Variants in RFX3 observed in about 807,000 individuals in gnomAD.
RFX3 encodes the protein transcription factor RFX3.
A neutral mutation model predicts 98.6 loss-of-function variants in RFX3; 14 were observed. That is an observed-to-expected ratio of 0.14 (90% confidence interval 0.09 to 0.22). RFX3 has a LOEUF of 0.22. Ranked by LOEUF, RFX3 falls within the 10% of genes least tolerant of loss-of-function variation. The pLI is 1.00. For synonymous variants in RFX3, 383 were observed against 328.4 expected (o/e 1.17, Z -1.80); for missense variants, 639 against 926.9 (o/e 0.69, Z 4.03).
At chr9:3,413,764 T>A (rs16918156) in intron 1 of RFX3, among the ~76,000 whole-genome samples, 1 of 152,114 alleles carries the variant, frequency 6.6e-6, no homozygotes, top group African/African-American at 2.4e-5. Context: ...GCAGTTCTCT[T>A]GACAACTCTT....
At chr9:3,308,880 A>C (rs758074285) in intron 4 of RFX3, among the ~76,000 whole-genome samples, 18 of 152,134 alleles carry the variant, frequency 1.2e-4, no homozygotes, top group Non-Finnish European at 2.2e-4. Flanking sequence ...CAGCAAATAC[A>C]TATGTGAGTC....
At chr9:3,333,943 T>C (rs762127813) in intron 3 of RFX3, among the ~76,000 whole-genome samples, 9 of 152,132 alleles carry the variant, frequency 5.9e-5, no homozygotes, top group Non-Finnish European at 1.2e-4. Flanking sequence ...ATAAACTCCA[T>C]GAGGTAGGTG....
chr9:3,254,242 G>A (rs1821806023), intron 14 of RFX3, among the ~76,000 whole-genome samples: 1 of 149,306 alleles, frequency 6.7e-6, no homozygotes, highest in Admixed American at 6.7e-5. Flanking sequence ...CTCCAGGGAT[G>A]TATTTCTAAA....
chr9:3,442,070 C>G (rs1350672086), intron 1 of RFX3, among the ~76,000 whole-genome samples: 5 of 151,878 alleles, frequency 3.3e-5, no homozygotes, highest in Non-Finnish European at 7.4e-5. Context: ...CGTGGTGGCA[C>G]GCACCTGTAA....
At chr9:3,495,358 A>G (rs961540664) in intron 1 of RFX3, among the ~76,000 whole-genome samples, 4 of 152,074 alleles carry the variant, frequency 2.6e-5, no homozygotes, top group African/African-American at 7.2e-5. Context: ...TGTACCATCC[A>G]TAAGTCAGAC....
intron 5 of RFX3, among the ~76,000 whole-genome samples, chr9:3,297,452 G>C (rs899540755): frequency 1.3e-5 from 2 of 151,980 alleles, no homozygotes; most frequent in African/African-American, 4.8e-5. Context: ...AATCAAGATA[G>C]ACTAAAGATG....
chr9:3,396,410 T>G (rs1343532521), intron 1 of RFX3, among the ~76,000 whole-genome samples: 2 of 152,234 alleles, frequency 1.3e-5, no homozygotes, highest in African/African-American at 4.8e-5. Flanking sequence ...ATGGTGTATA[T>G]GTGCCACATT....
At chr9:3,336,718 G>A (rs1833225115) in intron 3 of RFX3, among the ~76,000 whole-genome samples, 1 of 152,146 alleles carries the variant, frequency 6.6e-6, no homozygotes, top group African/African-American at 2.4e-5. Flanking sequence ...AAACATGCAT[G>A]CAGTGTAAAC....
intron 1 of RFX3, among the ~76,000 whole-genome samples, chr9:3,407,732 C>G (rs1842089709): frequency 6.6e-6 from 1 of 152,024 alleles, no homozygotes; most frequent in African/African-American, 2.4e-5. Context: ...TAATAGTTTT[C>G]CGTGATAGAT....
chr9:3,356,892 T>C (rs368548720), intron 2 of RFX3, among the ~76,000 whole-genome samples: 110 of 151,560 alleles, frequency 7.3e-4, no homozygotes, highest in African/African-American at 2.1e-3. Context: ...ATCACCTCAA[T>C]AAATGCCAGA....
intron 1 of RFX3, among the ~76,000 whole-genome samples, chr9:3,519,947 A>T (rs1818541298): frequency 6.6e-6 from 1 of 151,602 alleles, no homozygotes; most frequent in Non-Finnish European, 1.5e-5. Context: ...AAAAAAAAAA[A>T]ATTGAAATGT....
intron 1 of RFX3, chr9:3,524,708 T>A (rs1450382590): frequency 1.3e-6 from 1 of 775,116 alleles, no homozygotes; most frequent in African/African-American, 1.9e-5. Flanking sequence ...GGAAGGAGGA[T>A]CATCAAAGTG....
intron 2 of RFX3, among the ~76,000 whole-genome samples, chr9:3,381,321 TC>T (rs1391479300): frequency 1.3e-5 from 2 of 152,036 alleles, no homozygotes; most frequent in African/African-American, 4.8e-5. Context: ...ATCTTATCAG[TC>T]CCATAAGAAA....
chr9:3,319,209 C>A (rs540567761), intron 4 of RFX3, among the ~76,000 whole-genome samples: 14 of 152,310 alleles, frequency 9.2e-5, no homozygotes, highest in Admixed American at 6.5e-4. Context: ...TTTTCAGTAT[C>A]CCCTGGGCAC....
intron 1 of RFX3, among the ~76,000 whole-genome samples, chr9:3,519,632 G>C (rs978624481): frequency 1.3e-5 from 2 of 152,164 alleles, no homozygotes; most frequent in East Asian, 1.9e-4. Context: ...CTGAGGTTAA[G>C]TGAAGGTAAT....
At chr9:3,482,377 T>C (rs1201582157) in intron 1 of RFX3, among the ~76,000 whole-genome samples, 1 of 151,988 alleles carries the variant, frequency 6.6e-6, no homozygotes, top group Non-Finnish European at 1.5e-5. Context: ...GACATGACAA[T>C]AATGCTCAAG....
At chr9:3,241,327 T>C (rs1473821512) in intron 15 of RFX3, among the ~76,000 whole-genome samples, 1 of 151,956 alleles carries the variant, frequency 6.6e-6, no homozygotes, top group African/African-American at 2.4e-5. Context: ...CTTCCTTCCT[T>C]GAGTATTTTT....
intron 16 of RFX3, among the ~76,000 whole-genome samples, 183 bp downstream of exon 16, chr9:3,228,664 G>A (rs905350552): frequency 6.6e-6 from 1 of 152,114 alleles, no homozygotes; most frequent in African/African-American, 2.4e-5. Context: ...TACCTCATAT[G>A]TAGAAGGCAT....
At chr9:3,503,785 C>T (rs1011495400) in intron 1 of RFX3, among the ~76,000 whole-genome samples, 1 of 151,862 alleles carries the variant, frequency 6.6e-6, no homozygotes, top group Admixed American at 6.6e-5. Context: ...GCTATATAAA[C>T]AATGACATTG....
Sources: gnomAD v4.1 joint callset for allele counts (sites outside exome capture counted in the v4.1 genomes callset) on GRCh38, gnomAD v4.1.1 for gene constraint, MANE v1.5 for transcripts, NCBI Gene and HGNC (gene_info 2026-07-23, HGNC 2026-07-21) for gene names.